Variants in TAF1B observed in about 807,000 individuals in gnomAD.
TAF1B encodes TATA box-binding protein-associated factor RNA polymerase I subunit B.
TAF1B carries 61 observed loss-of-function variants against 83.9 expected under a neutral mutation model. That is an observed-to-expected ratio of 0.73 (90% CI 0.59 to 0.90). The LOEUF (loss-of-function observed/expected upper bound fraction) is 0.90, where lower values mean the gene tolerates loss of function less well. Among genes scored for constraint, TAF1B ranks in the 40% least tolerant of loss-of-function variants. TAF1B has a pLI of 0.00. For missense variants in TAF1B, 625 were observed against 677.0 expected (o/e 0.92, Z 0.85); for synonymous variants, 221 against 224.6 (o/e 0.98, Z 0.14).
At position 9,846,333 on chromosome 2, in the gene TAF1B, G is replaced by GCCA. The variant is rs373733477; in HGVS notation, c.117+1016_117+1018dup. ...CCTATTGTGGTGAACACACCTTCGG[G>GCCA]CCAGCATCACCAAAGTGATCAAGGG... is the stretch of plus-strand genomic sequence containing the variant. On this transcript the variant is annotated intron_variant, in intron 2 of 14. Coordinates refer to ENST00000263663, the MANE Select transcript of TAF1B (RefSeq NM_005680.3). 1.7e-3 allele frequency: 583 copies of GCCA among 333,462 alleles called. 5 individuals carry two copies. The highest frequency in any genetic ancestry group is 0.012 in the African/African-American group (553 of 46,280). 20.7% of individuals were successfully genotyped at this position (333,462 alleles called of 1,614,324 possible). A position where few individuals can be genotyped will look rare whatever the true frequency, so the allele number is the denominator to read the frequency against.
At chr2:9,921,432 G>A (rs1180082355) in intron 14 of TAF1B, among the ~76,000 whole-genome samples, 1 of 152,138 alleles carries the variant, frequency 6.6e-6, no homozygotes, top group Non-Finnish European at 1.5e-5. Flanking sequence ...TCAGGCAGTA[G>A]ATAGTGAAGA....
chr2:9,844,489 T>C (rs974299015), intron 1 of TAF1B: 1 of 152,216 alleles, frequency 6.6e-6, no homozygotes, highest in Non-Finnish European at 1.5e-5. Flanking sequence ...TATTAAATGA[T>C]ACTCGATAAT....
intron 9 of TAF1B, among the ~76,000 whole-genome samples, chr2:9,907,559 C>CA (rs1468344128): frequency 1.3e-5 from 2 of 152,030 alleles, no homozygotes; most frequent in Non-Finnish European, 2.9e-5. Flanking sequence ...GCAAGTATGT[C>CA]ACACACACCC....
chr2:9,891,057 C>T (rs1664857659), intron 8 of TAF1B, among the ~76,000 whole-genome samples: 1 of 152,238 alleles, frequency 6.6e-6, no homozygotes, highest in Non-Finnish European at 1.5e-5. Flanking sequence ...CAGGCATGAG[C>T]TACTGCACCT....
At chr2:9,864,075 G>A (rs753065894) in intron 5 of TAF1B, among the ~76,000 whole-genome samples, 18 of 152,116 alleles carry the variant, frequency 1.2e-4, no homozygotes, top group Non-Finnish European at 2.1e-4. Flanking sequence ...AAAGCTAGCA[G>A]AAGACAAGAA....
chr2:9,880,598 A>G (rs1156633978), intron 7 of TAF1B, among the ~76,000 whole-genome samples: 1 of 151,996 alleles, frequency 6.6e-6, no homozygotes, highest in Non-Finnish European at 1.5e-5. Context: ...CTCTGCTCCT[A>G]CAGAACTGAC....
intron 6 of TAF1B, among the ~76,000 whole-genome samples, chr2:9,871,520 A>G (rs550976084): frequency 6.6e-6 from 1 of 152,152 alleles, no homozygotes; most frequent in Non-Finnish European, 1.5e-5. Flanking sequence ...GAGAATATTA[A>G]CGATATTTCA....
In TAF1B at chr2:9,910,856, T is replaced by C; in HGVS notation, c.1076T>C (p.Val359Ala). The change falls in exon 10 of 15, where the codon GTA becomes GCA. Residue 359 changes from valine (V) to alanine (A), a missense_variant. Physicochemically the swap from Val to Ala is moderately conservative, Grantham distance 64. Transcript: ENST00000263663. ...ACTGTTAAGTACGATGTACAAGCTG[T>C]AGCTATCATTGTGGTGGTATTGAAA... Reference protein sequence around the residue: ...AKTVKYDVQAVAIIVVVLKLL... With the variant: ...AKTVKYDVQAAAIIVVVLKLL... 6.2e-7 allele frequency: 1 copy of C among 1,613,596 alleles called. No homozygotes were observed. Among genetic ancestry groups the C allele is most frequent in the Non-Finnish European group, 8.5e-7 (1 of 1,179,736 alleles).
intron 14 of TAF1B, among the ~76,000 whole-genome samples, chr2:9,930,188 C>T (rs1309416753): frequency 6.6e-6 from 1 of 151,992 alleles, no homozygotes; most frequent in Non-Finnish European, 1.5e-5. Flanking sequence ...CAGTTCTCCT[C>T]TGATCTTAGT....
intron 5 of TAF1B, among the ~76,000 whole-genome samples, chr2:9,854,975 T>A (rs536701118): frequency 1.3e-4 from 20 of 151,150 alleles, no homozygotes; most frequent in Admixed American, 1.2e-3. Context: ...AAAGCAAGTT[T>A]GATAATTTTT....
At chr2:9,926,033 A>T (rs1666023292) in intron 14 of TAF1B, among the ~76,000 whole-genome samples, 1 of 152,156 alleles carries the variant, frequency 6.6e-6, no homozygotes. Flanking sequence ...ACTCAGAAGT[A>T]GAGTAGTATA....
chr2:9,932,297 TTG>T (rs1305919371), intron 14 of TAF1B, among the ~76,000 whole-genome samples: 2 of 152,190 alleles, frequency 1.3e-5, no homozygotes, highest in East Asian at 3.8e-4. Context: ...CTCCCCACCT[TTG>T]TGGTTTTATC....
chr2:9,859,050 C>A lies in TAF1B; in HGVS notation c.399+4629C>A, dbSNP rs191245638. Among the ~76,000 whole-genome samples, 9 of 152,282 alleles carry A rather than the reference C, an allele frequency of 5.9e-5. No homozygotes were observed. In the East Asian group the frequency reaches 1.5e-3, roughly 26 times the overall value. ...AATGGGTTTTCCTTTTTTACCTTGT[C>A]GTCCTGCTGGAAATATTCCAAACTT... On this transcript the variant is annotated intron_variant, in intron 5 of 14. Coordinates refer to ENST00000263663, the MANE Select transcript of TAF1B (RefSeq NM_005680.3).
intron 8 of TAF1B, among the ~76,000 whole-genome samples, chr2:9,894,071 C>A (rs939447156): frequency 6.8e-6 from 1 of 148,146 alleles, no homozygotes; most frequent in Non-Finnish European, 1.5e-5. Flanking sequence ...ATATGTCTTA[C>A]ATCCTTAACT....
intron 11 of TAF1B, among the ~76,000 whole-genome samples, chr2:9,912,657 A>G (rs1665568369): frequency 1.3e-5 from 2 of 152,308 alleles, no homozygotes; most frequent in Admixed American, 6.5e-5. Context: ...CAGCAGGGCA[A>G]AGATCACTGT....
Position 9,919,697 on chromosome 2 carries a change from A to AAG in TAF1B, c.1445_1446dup (p.Asp483ArgfsTer17), listed in dbSNP as rs1303846688. 6.2e-7 allele frequency: 1 copy of AAG among 1,614,102 alleles called. No homozygotes were observed. Among genetic ancestry groups the AAG allele is most frequent in the African/African-American group, 1.3e-5 (1 of 74,938 alleles). On this transcript the variant is annotated frameshift_variant, in exon 14 of 15. Coordinates refer to ENST00000263663, the MANE Select transcript of TAF1B (RefSeq NM_005680.3). LOFTEE classifies it high-confidence loss of function. The stretch of plus-strand genomic sequence containing the variant: ...TCAAGTTTTCAGTTCAACTGGACTG[A>AAG]AGAGGACACTGATAGAACGTGTTTC...
At chr2:9,850,502 T>C (rs768357504) in intron 3 of TAF1B, among the ~76,000 whole-genome samples, 2 of 152,200 alleles carry the variant, frequency 1.3e-5, no homozygotes, top group African/African-American at 4.8e-5. Flanking sequence ...ATCAAAATTA[T>C]TGGCTTTTGA....
chr2:9,895,106 G>A (rs1020346080), intron 8 of TAF1B, among the ~76,000 whole-genome samples: 1 of 152,164 alleles, frequency 6.6e-6, no homozygotes, highest in Non-Finnish European at 1.5e-5. Context: ...AGTTGACAAC[G>A]CGTTTCTAAA....
chr2:9,897,291 C>T (rs904570103), intron 8 of TAF1B, among the ~76,000 whole-genome samples: 1 of 152,082 alleles, frequency 6.6e-6, no homozygotes, highest in East Asian at 1.9e-4. Context: ...ATCTTTTCAG[C>T]CTTGATTTTC....
Sources: gnomAD v4.1 joint callset for allele counts (sites outside exome capture counted in the v4.1 genomes callset) on GRCh38, gnomAD v4.1.1 for gene constraint, MANE v1.5 for transcripts, NCBI Gene and HGNC (gene_info 2026-07-23, HGNC 2026-07-21) for gene names.